The following PLBD2 variants were observed in gnomAD, a reference collection of about 807,000 sequenced individuals.
The protein encoded by PLBD2 is putative aminopeptidase PLBD2.
In PLBD2, 51 loss-of-function variants were observed where a neutral mutation model predicts 68.3. The ratio of observed to expected loss-of-function variants is 0.75; its 90% CI spans 0.60 to 0.94. The LOEUF (loss-of-function observed/expected upper bound fraction) is 0.94, where lower values mean the gene tolerates loss of function less well. Among genes scored for constraint, PLBD2 ranks in the 40% least tolerant of loss-of-function variants. PLBD2 has a pLI of 0.00. For missense variants in PLBD2, 729 were observed against 792.2 expected (o/e 0.92, Z 0.96); for synonymous variants, 314 against 339.3 (o/e 0.93, Z 0.82).
In PLBD2 at chr12:113,384,904, C is replaced by T. The variant is rs1351786834; in HGVS notation, c.1172C>T (p.Pro391Leu). 7 of 1,613,866 alleles carry T rather than the reference C, an allele frequency of 4.3e-6. No homozygotes were observed. Among genetic ancestry groups the T allele is most frequent in the South Asian group, 1.1e-5 (1 of 91,068 alleles). Residue 391 changes from proline (P) to leucine (L), a missense_variant, in exon 8 of 12, where the codon CCC becomes CTC. Pro to Leu is a moderately conservative substitution (Grantham distance 98, BLOSUM62 -3). Transcript: ENST00000280800. The surrounding 1 kb of genome is among the most constrained non-coding windows in gnomAD (Gnocchi z 4.2). ...TACAAGGCGTTCATCCCGGGTGGGC[C>T]CAGCCCCGGGAGCCGGGTGCTTACC... is the stretch of plus-strand genomic sequence containing the variant. ...VDYKAFIPGG[P>L]SPGSRVLTIL...
intron 6 of PLBD2, among the ~76,000 whole-genome samples, chr12:113,381,791 T>C (rs1429688786): frequency 6.6e-6 from 1 of 152,182 alleles, no homozygotes; most frequent in African/African-American, 2.4e-5. Flanking sequence ...GTTGGCCCTC[T>C]TCTCAGAATA....
intron 1 of PLBD2, among the ~76,000 whole-genome samples, chr12:113,366,981 A>G (rs989717963): frequency 6.6e-6 from 1 of 152,064 alleles, no homozygotes; most frequent in Non-Finnish European, 1.5e-5. Flanking sequence ...CACTACACCC[A>G]GCTGATTATT....
chr12:113,382,988 C>T (rs1957510945), intron 6 of PLBD2, among the ~76,000 whole-genome samples: 1 of 151,560 alleles, frequency 6.6e-6, no homozygotes, highest in Non-Finnish European at 1.5e-5. Context: ...TCTCATGCCT[C>T]AGCCTCCGAA....
chr12:113,359,797 G>A (rs997522583), intron 1 of PLBD2, among the ~76,000 whole-genome samples: 10 of 151,748 alleles, frequency 6.6e-5, no homozygotes, highest in Admixed American at 3.3e-4. Flanking sequence ...CACAGACAGC[G>A]ATAGAAGAGA....
rs1957578673 is a variant in PLBD2 at position 113,388,784 on chromosome 12, A to G, written c.*158A>G. ...CCTCCTAGAGTGGGTCACGAACCTG[A>G]TGGGGCTCAGAACTGACCCCCTCTC... On this transcript the variant is annotated 3_prime_UTR_variant, in exon 12 of 12. Coordinates refer to ENST00000280800, the MANE Select transcript of PLBD2 (RefSeq NM_173542.4). The G allele has an allele frequency of 3.9e-6, 3 of 778,476 alleles. No individual in the cohort carries two copies. Among genetic ancestry groups the G allele is most frequent in the Non-Finnish European group, 5.7e-6 (3 of 522,370 alleles). The allele number at this position is 778,476 out of a possible 1,614,324, so 48.2% of individuals were successfully genotyped here.
intron 1 of PLBD2, among the ~76,000 whole-genome samples, chr12:113,363,748 A>G (rs1246250068): frequency 6.6e-6 from 1 of 152,006 alleles, no homozygotes; most frequent in Admixed American, 6.6e-5. Context: ...CATGTTAGCC[A>G]AGATGGTCTC....
chr12:113,386,892 G>T (rs771575303), intron 9 of PLBD2, 45 bp from the exon 10 acceptor site: 27 of 1,598,472 alleles, frequency 1.7e-5, no homozygotes, highest in Admixed American at 3.6e-5. Context: ...CCTTGGCTGA[G>T]TGAGGCCAGT....
At chr12:113,366,589 G>A (rs919420827) in intron 1 of PLBD2, among the ~76,000 whole-genome samples, 5 of 150,984 alleles carry the variant, frequency 3.3e-5, no homozygotes, top group Non-Finnish European at 7.4e-5. Flanking sequence ...TGATCTTCCT[G>A]CCTCAACCTC....
rs375126311 is a variant in PLBD2, at chr12:113,372,640, A to G, written c.385-9A>G. The G allele has an allele frequency of 6.2e-7, 1 of 1,611,526 alleles. No individual in the cohort carries two copies. Among genetic ancestry groups the G allele is most frequent in the Non-Finnish European group, 8.5e-7 (1 of 1,178,286 alleles). ...CCCGCCCTTGCCTCGCCCACCCCCT[A>G]CCCCACAGCTCATCTACATGCACTG... On this transcript the variant is annotated splice_polypyrimidine_tract_variant and intron_variant, in intron 2 of 11. Coordinates refer to ENST00000280800, the MANE Select transcript of PLBD2 (RefSeq NM_173542.4). The surrounding 1 kb of genome is among the most constrained non-coding windows in gnomAD (Gnocchi z 4.2).
At chr12:113,383,730 G>A (rs765377586) in intron 6 of PLBD2, among the ~76,000 whole-genome samples, 37 of 151,616 alleles carry the variant, frequency 2.4e-4, no homozygotes, top group Non-Finnish European at 4.9e-4. Flanking sequence ...GATTAAGTAA[G>A]TATTTAACAC....
Position 113,374,483 on chromosome 12 carries a change from A to T in PLBD2, c.553A>T (p.Thr185Ser), listed in dbSNP as rs985701911. ...DSPYWHQVRL[T>S]LLQLKGLEDS... ...CCGCCCCCTCCCCTAGGTGCGGCTG[A>T]CCCTCCTGCAGCTGAAAGGCCTGGA... The change falls in exon 4 of 12, where the codon ACC becomes TCC. Residue 185 changes from threonine to serine, a missense_variant. Coordinates refer to ENST00000280800, the MANE Select transcript of PLBD2 (RefSeq NM_173542.4). 4.4e-6 allele frequency: 7 copies of T among 1,596,560 alleles called. No individual in the cohort carries two copies. Among genetic ancestry groups the T allele is most frequent in the Non-Finnish European group, 6.0e-6 (7 of 1,172,184 alleles).
intron 5 of PLBD2, among the ~76,000 whole-genome samples, chr12:113,379,217 A>C (rs1177388175): frequency 1.3e-5 from 2 of 150,848 alleles, no homozygotes; most frequent in African/African-American, 4.9e-5. Flanking sequence ...CTGAGACAAG[A>C]GAATCACTTG....
intron 1 of PLBD2, among the ~76,000 whole-genome samples, chr12:113,366,386 G>A (rs1306870592): frequency 3.5e-5 from 5 of 143,662 alleles, no homozygotes; most frequent in Admixed American, 1.4e-4. Flanking sequence ...ATCTAGCACC[G>A]TGAAGGAAAA....
At chr12:113,371,061 A>G (rs1004574099) in intron 2 of PLBD2, among the ~76,000 whole-genome samples, 22 of 152,330 alleles carry the variant, frequency 1.4e-4, no homozygotes, top group African/African-American at 5.1e-4. Flanking sequence ...TCTCAAAAAA[A>G]TGAAACAAAA....
At chr12:113,367,759 A>AAAAAAAAAAAAAAAAAG (rs750382479) in intron 1 of PLBD2, among the ~76,000 whole-genome samples, 2 of 148,096 alleles carry the variant, frequency 1.4e-5, no homozygotes, top group East Asian at 2.0e-4. Context: ...AAAAAAAAAA[A>AAAAAAAAAAAAAAAAAG]AAAAAAGAAA....
chr12:113,384,018 AAAT>A lies in PLBD2; in HGVS notation c.958-86_958-84del. 11 of 1,156,654 alleles carry A rather than the reference AAAT, an allele frequency of 9.5e-6. No individual in the cohort carries two copies. The highest frequency in any genetic ancestry group is 5.2e-5 in the South Asian group (2 of 38,180). The allele number at this position is 1,156,654 out of a possible 1,614,324, so 71.6% of individuals were successfully genotyped here. ...TCTCAAAAAAAAAAAAAAAAAAAAAAAATTTTTGGAGCCATGACTGATGAAGTA... is the reference window on the plus strand; with the variant it reads ...TCTCAAAAAAAAAAAAAAAAAAAAAATTTTGGAGCCATGACTGATGAAGTA... On this transcript the variant is annotated intron_variant, in intron 6 of 11. Coordinates refer to ENST00000280800, the MANE Select transcript of PLBD2 (RefSeq NM_173542.4). The surrounding 1 kb of genome is among the most constrained non-coding windows in gnomAD (Gnocchi z 4.2).
chr12:113,374,467 C>A lies in PLBD2; in HGVS notation c.544-7C>A, dbSNP rs1209208280. 1 of 1,582,356 alleles carries A rather than the reference C, an allele frequency of 6.3e-7. No homozygotes were observed. ...CACCCTCCCTCTGCCCCCGCCCCCT[C>A]CCCTAGGTGCGGCTGACCCTCCTGC... On this transcript the variant is annotated splice_region_variant and splice_polypyrimidine_tract_variant and intron_variant, in intron 3 of 11. Transcript: ENST00000280800.
At position 113,388,464 on chromosome 12, in the gene PLBD2, C is replaced by T; in HGVS notation, c.1608C>T (p.Thr536=). The T allele has an allele frequency of 3.1e-6, 5 of 1,588,750 alleles. No individual in the cohort carries two copies. The highest frequency in any genetic ancestry group is 3.4e-6 in the Non-Finnish European group (4 of 1,171,628). Residue 536 remains threonine, a synonymous_variant, in exon 12 of 12, where the codon ACC becomes ACT. Coordinates refer to ENST00000280800, the MANE Select transcript of PLBD2 (RefSeq NM_173542.4). ...CGGCTCTGCCCTGTCCCCAGGTGAC[C>T]AGCATGTCACTGGCCAGGATCCTGA... ...RSHGGIDVKV[T]SMSLARILSL...
In PLBD2 at chr12:113,387,055, G is replaced by C; in HGVS notation, c.1405G>C (p.Val469Leu). ...GATCTTCCGGCGGAACCAGTCACTG[G>C]TACAAGACATGGACTCCATGGTCAG... ...AQIFRRNQSL[V>L]QDMDSMVRLM... Residue 469 changes from valine to leucine, a missense_variant, in exon 10 of 12, where the codon GTA becomes CTA. By Grantham distance (32) the Val-to-Leu change is conservative. Coordinates refer to ENST00000280800, the MANE Select transcript of PLBD2 (RefSeq NM_173542.4). 6.2e-7 allele frequency: 1 copy of C among 1,608,990 alleles called. No individual in the cohort carries two copies. The highest frequency in any genetic ancestry group is 8.5e-7 in the Non-Finnish European group (1 of 1,177,904).
Sources: gnomAD v4.1 joint callset for allele counts (sites outside exome capture counted in the v4.1 genomes callset) on GRCh38, gnomAD v4.1.1 for gene constraint, Gnocchi (gnomAD v3.1) non-coding constraint, MANE v1.5 for transcripts, NCBI Gene and HGNC (gene_info 2026-07-23, HGNC 2026-07-21) for gene names.